The following CYP4Z1 variants were observed in gnomAD, a reference collection of about 807,000 sequenced individuals.
CYP4Z1 encodes cytochrome P450 4Z1.
In CYP4Z1, 41 loss-of-function variants were observed where a neutral mutation model predicts 54.2. The observed-to-expected ratio is 0.76, with a 90% CI of 0.59 to 0.98. CYP4Z1 has a LOEUF of 0.98. Among genes scored for constraint, CYP4Z1 ranks in the 50% least tolerant of loss-of-function variants. CYP4Z1 has a pLI of 0.00. For synonymous variants in CYP4Z1, 163 were observed against 206.2 expected (o/e 0.79, Z 1.79); for missense variants, 513 against 599.0 (o/e 0.86, Z 1.50).
intron 6 of CYP4Z1, among the ~76,000 whole-genome samples, chr1:47,090,009 T>C (rs1168915836): frequency 6.6e-6 from 1 of 152,274 alleles, no homozygotes; most frequent in African/African-American, 2.4e-5. Context: ...CTGACTTTCA[T>C]AGACCCTCTT....
At chr1:47,083,049 G>A (rs12402730) in intron 4 of CYP4Z1, among the ~76,000 whole-genome samples, 14,223 of 152,152 alleles carry the variant, frequency 0.093, 717 homozygotes, top group East Asian at 0.22. Context: ...AAAGACATGC[G>A]AGGTGGTTTT....
In CYP4Z1 at chr1:47,103,699, A is replaced by G. The variant is rs1329719298; in HGVS notation, c.1068-2429A>G. On this transcript the variant is annotated intron_variant, in intron 8 of 11. Coordinates refer to ENST00000334194, the MANE Select transcript of CYP4Z1 (RefSeq NM_178134.3). ...ATTCTCCACCTCCCGGGTTCAAGCA[A>G]TTCTCCTGCCTCAGACATTTGAGTA... 2.7e-5 allele frequency among the ~76,000 whole-genome samples: 4 copies of G among 148,548 alleles called. No individual in the cohort carries two copies. The East Asian group carries it at 8.1e-4, about 30-fold the overall frequency.
intron 9 of CYP4Z1, among the ~76,000 whole-genome samples, chr1:47,106,914 G>A (rs1847224): frequency 0.43 from 65,381 of 152,060 alleles, 15,406 homozygotes; most frequent in East Asian, 0.96. Context: ...ATAAAGGAAT[G>A]AGCCAGAATT....
At chr1:47,066,205 C>T (rs533130052), upstream of CYP4Z1, among the ~76,000 whole-genome samples, 2 of 152,112 alleles carry the variant, frequency 1.3e-5, no homozygotes, top group South Asian at 2.1e-4. Context: ...ATCCTAATAC[C>T]GAAACCAGGG....
In CYP4Z1 at chr1:47,117,862, T is replaced by A. The variant is rs867298347; in HGVS notation, c.1446T>A (p.Pro482=). 1 of 1,613,646 alleles carries A rather than the reference T, an allele frequency of 6.2e-7. No individual in the cohort carries two copies. Among genetic ancestry groups the A allele is most frequent in the Admixed American group, 1.7e-5 (1 of 59,908 alleles). Residue 482 remains proline (P), a synonymous_variant, in exon 12 of 12, where the codon CCT becomes CCA. Coordinates refer to ENST00000334194, the MANE Select transcript of CYP4Z1 (RefSeq NM_178134.3). The part of the protein sequence containing the change: ...RFKLAPDHSR[P]PQPVRQVVLK... ...AGCTGGCTCCAGACCACTCAAGGCC[T>A]CCCCAGCCTGTTCGTCAAGTTGTCC...
At chr1:47,108,088 G>A (rs1285061248) in intron 9 of CYP4Z1, among the ~76,000 whole-genome samples, 1 of 152,206 alleles carries the variant, frequency 6.6e-6, no homozygotes, top group Non-Finnish European at 1.5e-5. Context: ...TGCACACGCA[G>A]AGTTGCCTTC....
chr1:47,056,170 T>G, the CYP4Z1 span, among the ~76,000 whole-genome samples: 1 of 152,156 alleles, frequency 6.6e-6, no homozygotes, highest in East Asian at 1.9e-4. Flanking sequence ...CCTTCATTTC[T>G]TTATGTACCC....
chr1:47,064,080 CTTT>C (rs34267768), upstream of CYP4Z1, among the ~76,000 whole-genome samples: 3 of 119,500 alleles, frequency 2.5e-5, no homozygotes, highest in Non-Finnish European at 3.4e-5. Context: ...GATTTGGGTC[CTTT>C]TTTTTTTTTT....
At chr1:47,103,771 T>C (rs1644737875) in intron 8 of CYP4Z1, among the ~76,000 whole-genome samples, 1 of 151,986 alleles carries the variant, frequency 6.6e-6, no homozygotes, top group Admixed American at 6.5e-5. Context: ...AGTTTTTTTA[T>C]TTTTAGTAGA....
chr1:47,106,500 C>T (rs1459960794), intron 9 of CYP4Z1, among the ~76,000 whole-genome samples: 1 of 151,952 alleles, frequency 6.6e-6, no homozygotes, highest in Non-Finnish European at 1.5e-5. Flanking sequence ...GTGAGGGGGC[C>T]TTCGTGAAGC....
chr1:47,065,997 G>T (rs368040551), upstream of CYP4Z1, among the ~76,000 whole-genome samples: 1 of 151,852 alleles, frequency 6.6e-6, no homozygotes, highest in African/African-American at 2.4e-5. Context: ...TAGAATCGCC[G>T]AACAGACCAA....
At chr1:47,086,546 T>A (rs1373404406) in intron 6 of CYP4Z1, among the ~76,000 whole-genome samples, 1 of 144,802 alleles carries the variant, frequency 6.9e-6, no homozygotes, top group Non-Finnish European at 1.5e-5. Context: ...GGGTTGTTTG[T>A]TTTTTTCTTG....
chr1:47,097,667 G>A (rs1040595627), intron 7 of CYP4Z1, among the ~76,000 whole-genome samples: 2 of 152,018 alleles, frequency 1.3e-5, no homozygotes, highest in African/African-American at 4.8e-5. Flanking sequence ...ATTGGTCTCT[G>A]TGTCTGTTCT....
At chr1:47,072,799 T>C (rs1195655467) in intron 2 of CYP4Z1, among the ~76,000 whole-genome samples, 165 of 131,856 alleles carry the variant, frequency 1.3e-3, no homozygotes, top group African/African-American at 4.4e-3. Context: ...GAACTCAGGT[T>C]AGTACTGTGC....
chr1:47,068,906 T>C (rs1644472047), intron 2 of CYP4Z1, 143 bp downstream of exon 2: 1 of 1,115,092 alleles, frequency 9.0e-7, no homozygotes, highest in Non-Finnish European at 1.3e-6. Flanking sequence ...CATGTCCTCC[T>C]CAACATCATA....
In CYP4Z1 at chr1:47,068,701, C is replaced by T. The variant is rs781053315; in HGVS notation, c.257C>T (p.Pro86Leu). The T allele has an allele frequency of 1.2e-6, 2 of 1,614,020 alleles. No individual in the cohort carries two copies. Among genetic ancestry groups the T allele is most frequent in the East Asian group, 4.5e-5 (2 of 44,880 alleles). Residue 86 changes from proline (P) to leucine (L), a missense_variant, in exon 2 of 12, where the codon CCC (proline) becomes CTC (leucine). Pro to Leu is a moderately conservative substitution (Grantham distance 98, BLOSUM62 -3). Transcript: ENST00000334194. ...YPCAVPLWVGPFTMFFSVHDP... is the reference protein window; with the variant it reads ...YPCAVPLWVGLFTMFFSVHDP... ...TGTGCTGTTCCCTTGTGGGTTGGAC[C>T]CTTTACGATGTTCTTCAGTGTCCAT...
intron 8 of CYP4Z1, among the ~76,000 whole-genome samples, chr1:47,099,741 C>A (rs1644706509): frequency 6.6e-6 from 1 of 152,212 alleles, no homozygotes; most frequent in South Asian, 2.1e-4. Context: ...ACACTGCCAC[C>A]CCACAATGAT....
chr1:47,111,366 G>A (rs957299343), intron 9 of CYP4Z1, among the ~76,000 whole-genome samples: 2 of 152,106 alleles, frequency 1.3e-5, no homozygotes, highest in Non-Finnish European at 2.9e-5. Flanking sequence ...TGTATTTTTA[G>A]TGGAGACGGG....
At chr1:47,063,433 T>G (rs937295142), upstream of CYP4Z1, among the ~76,000 whole-genome samples, 1 of 152,100 alleles carries the variant, frequency 6.6e-6, no homozygotes, top group South Asian at 2.1e-4. Flanking sequence ...GGTTGATTAT[T>G]AAGCTAATCA....
Sources: gnomAD v4.1 joint callset for allele counts (sites outside exome capture counted in the v4.1 genomes callset) on GRCh38, gnomAD v4.1.1 for gene constraint, MANE v1.5 for transcripts, NCBI Gene and HGNC (gene_info 2026-07-23, HGNC 2026-07-21) for gene names.